The following VCPKMT variants were observed in gnomAD, a reference collection of about 807,000 sequenced individuals.
VCPKMT encodes valosin containing protein lysine methyltransferase, also known as protein N-lysine methyltransferase METTL21D.
In VCPKMT, 32 loss-of-function variants were observed where a neutral mutation model predicts 28.6. The ratio of observed to expected loss-of-function variants is 1.12; its 90% CI spans 0.84 to 1.50. The LOEUF is 1.50. VCPKMT is among the 40% of genes most tolerant of loss of function. The pLI is 0.00. For synonymous variants in VCPKMT, 138 were observed against 111.4 expected, an observed-to-expected ratio of 1.24 and a Z score of -1.50; for missense variants, 366 against 285.0, an observed-to-expected ratio of 1.28 and a Z score of -2.05.
chr14:50,111,112 C>T, intron 5 of VCPKMT: 1 of 880,244 alleles, frequency 1.1e-6, no homozygotes, highest in Non-Finnish European at 1.4e-6. Flanking sequence ...CCAAATTGTA[C>T]ACCTTAAAAG....
At chr14:50,114,480 G>C (rs762352055) in intron 3 of VCPKMT, 76 bp from the exon 4 acceptor site, 28 of 1,066,248 alleles carry the variant, frequency 2.6e-5, no homozygotes, top group Non-Finnish European at 3.3e-5. Flanking sequence ...AGGAGGTACA[G>C]GGGTATTTAT....
At position 50,112,858 on chromosome 14, in the gene VCPKMT, C is replaced by T. The variant is rs1882799072; in HGVS notation, c.571-139G>A. The T allele has an allele frequency of 5.9e-6, 3 of 512,650 alleles. No individual in the cohort carries two copies. In the East Asian group the frequency reaches 1.2e-4, roughly 20 times the overall value. The allele number at this position is 512,650 out of a possible 1,614,324, so 31.8% of individuals were successfully genotyped here. On this transcript the variant is annotated intron_variant, in intron 4 of 5. Coordinates refer to ENST00000395860, the MANE Select transcript of VCPKMT (RefSeq NM_024558.3). Reference sequence around the variant, plus strand: ...CTGGAGTGCAGTGGTGCGATCTTGGCTCACTGCAACCTCCACCTCCCTGGG... The same window carrying T: ...CTGGAGTGCAGTGGTGCGATCTTGGTTCACTGCAACCTCCACCTCCCTGGG...
intron 4 of VCPKMT, 44 bp downstream of exon 4, chr14:50,114,241 T>A (rs370416525): frequency 1.4e-6 from 2 of 1,450,388 alleles, no homozygotes; most frequent in Non-Finnish European, 1.8e-6. Flanking sequence ...ACAGCCCCCC[T>A]GAAGGGAAAT....
At chr14:50,108,429 A>C (rs1259889008), downstream of VCPKMT, among the ~76,000 whole-genome samples, 1 of 152,236 alleles carries the variant, frequency 6.6e-6, no homozygotes, top group East Asian at 1.9e-4. Context: ...AAACTGCTTA[A>C]TGAAATGCTA....
At chr14:50,103,051 C>A in the VCPKMT span, among the ~76,000 whole-genome samples, 7 of 152,130 alleles carry the variant, frequency 4.6e-5, no homozygotes, top group Non-Finnish European at 8.8e-5. Flanking sequence ...GATTTTTTTG[C>A]AATTTTTTAA....
At chr14:50,104,692 T>G (rs1882263249), downstream of VCPKMT, among the ~76,000 whole-genome samples, 1 of 143,204 alleles carries the variant, frequency 7.0e-6, no homozygotes, top group Admixed American at 6.9e-5. Context: ...CTTACTCTAT[T>G]GAAAAAAAAA....
At chr14:50,113,809 G>GGGGGGGGGGGGGGT (rs1566807810) in intron 4 of VCPKMT, among the ~76,000 whole-genome samples, 1 of 39,816 alleles carries the variant, frequency 2.5e-5, no homozygotes, top group Non-Finnish European at 5.1e-5. Context: ...GGGGGGGGGG[G>GGGGGGGGGGGGGGT]TGACACTGAG....
In VCPKMT at chr14:50,116,396, G is replaced by C. The variant is rs780592658; in HGVS notation, c.157C>G (p.Leu53Val). The change falls in exon 1 of 6, where the codon CTG becomes GTG. Residue 53 changes from leucine to valine, a missense_variant. Physicochemically the swap from Leu to Val is conservative, Grantham distance 32 (BLOSUM62 1). Transcript: ENST00000395860. ...WDAAIVLSKYLETPEFSGDGA... is the reference protein window; with the variant it reads ...WDAAIVLSKYVETPEFSGDGA... The stretch of plus-strand genomic sequence containing the variant: ...TCGCCAGAAAACTCGGGCGTTTCCA[G>C]GTATTTAGAAAGGACAATGGCAGCG... 7.4e-6 allele frequency: 12 copies of C among 1,613,928 alleles called. No individual in the cohort carries two copies. The highest frequency in any genetic ancestry group is 2.2e-5 in the South Asian group (2 of 91,082).
chr14:50,107,957 G>C (rs1361530465), downstream of VCPKMT, among the ~76,000 whole-genome samples: 2 of 152,106 alleles, frequency 1.3e-5, no homozygotes, highest in African/African-American at 4.8e-5. Context: ...CCGGGGCTAA[G>C]GAGGGTGGAT....
rs1444012305 is a variant in VCPKMT at position 50,116,560 on chromosome 14, G to C, written c.-8C>G. 7 of 1,598,554 alleles carry C rather than the reference G, an allele frequency of 4.4e-6. No individual in the cohort carries two copies. The highest frequency in any genetic ancestry group is 1.7e-5 in the Admixed American group (1 of 59,206). On this transcript the variant is annotated 5_prime_UTR_variant, in exon 1 of 6. Transcript: ENST00000395860. Reference sequence around the variant, plus strand: ...CTCCAGCGTATCCGCCATTGCGCCCGGCAACAGAAAGCGGCGCGCGCAGGG... The same window carrying C: ...CTCCAGCGTATCCGCCATTGCGCCCCGCAACAGAAAGCGGCGCGCGCAGGG...
downstream of VCPKMT, among the ~76,000 whole-genome samples, chr14:50,107,319 CTT>C (rs772286873): frequency 2.1e-5 from 3 of 145,748 alleles, no homozygotes; most frequent in Admixed American, 6.9e-5. Context: ...TCCTATTTGA[CTT>C]TTTTTTTTTT....
At chr14:50,112,453 T>C (rs1382954921) in intron 5 of VCPKMT, among the ~76,000 whole-genome samples, 162 bp downstream of exon 5, 2 of 121,940 alleles carry the variant, frequency 1.6e-5, no homozygotes, top group African/African-American at 3.1e-5. Flanking sequence ...CAAGGCAAGA[T>C]AGATTAAATT....
At chr14:50,112,809 G>T in intron 4 of VCPKMT, 90 bp from the exon 5 acceptor site, 2 of 865,436 alleles carry the variant, frequency 2.3e-6, no homozygotes, top group Non-Finnish European at 3.5e-6. Context: ...CTTTTTTTTT[G>T]AGAGTCTCAC....
chr14:50,115,489 T>C (rs543879481), intron 3 of VCPKMT, among the ~76,000 whole-genome samples: 5 of 152,354 alleles, frequency 3.3e-5, no homozygotes, highest in African/African-American at 1.2e-4. Context: ...GAATTATTTA[T>C]AACTTAATTC....
intron 5 of VCPKMT, chr14:50,111,399 T>TG: frequency 3.0e-6 from 3 of 985,462 alleles, no homozygotes; most frequent in Non-Finnish European, 2.4e-6. Flanking sequence ...CACCTACTTC[T>TG]GTTCCCTAAG....
In VCPKMT at chr14:50,110,932, A is replaced by T. The variant is rs182413223; in HGVS notation, c.676-1219T>A. Reference sequence around the variant, plus strand: ...GGCCACACAGTATGTGACTTGTTACATATGACATGTGCAGAATAGGCAAAT... The same window carrying T: ...GGCCACACAGTATGTGACTTGTTACTTATGACATGTGCAGAATAGGCAAAT... On this transcript the variant is annotated intron_variant, in intron 5 of 5. Transcript: ENST00000395860. Among the ~76,000 whole-genome samples the T allele has an allele frequency of 1.0e-3, 159 of 152,234 alleles. 2 individuals carry two copies. The South Asian group carries it at 0.014, about 13-fold the overall frequency.
At position 50,108,639 on chromosome 14, in the gene VCPKMT, T is replaced by C; in HGVS notation, c.*1060A>G. 1.1e-5 allele frequency: 11 copies of C among 985,860 alleles called. No homozygotes were observed. Among genetic ancestry groups the C allele is most frequent in the Non-Finnish European group, 1.3e-5 (11 of 829,940 alleles). The allele number at this position is 985,860 out of a possible 1,614,324, so 61.1% of individuals were successfully genotyped here. On this transcript the variant is annotated 3_prime_UTR_variant, in exon 6 of 6. Coordinates refer to ENST00000395860, the MANE Select transcript of VCPKMT (RefSeq NM_024558.3). ...TTCTGAAATTCACAGTCACAAGGTC[T>C]CAAAAACAATGTTTATTTTAACACA...
chr14:50,107,610 G>C (rs1426720017), downstream of VCPKMT, among the ~76,000 whole-genome samples: 1 of 152,278 alleles, frequency 6.6e-6, no homozygotes, highest in East Asian at 1.9e-4. Context: ...ATTTGACTTT[G>C]AATTACAAAT....
At chr14:50,106,199 T>C (rs1417477926), downstream of VCPKMT, among the ~76,000 whole-genome samples, 1 of 152,216 alleles carries the variant, frequency 6.6e-6, no homozygotes, top group African/African-American at 2.4e-5. Context: ...TGGACTGGGA[T>C]AGGGCCTGAA....
Sources: gnomAD v4.1 joint callset for allele counts (sites outside exome capture counted in the v4.1 genomes callset) on GRCh38, gnomAD v4.1.1 for gene constraint, MANE v1.5 for transcripts, NCBI Gene and HGNC (gene_info 2026-07-23, HGNC 2026-07-21) for gene names.